The following TANGO2 variants were observed in gnomAD, a reference collection of about 807,000 sequenced individuals.
TANGO2 encodes transport and golgi organization 2 homolog.
TANGO2 carries 26 observed loss-of-function variants against 39.1 expected under a neutral mutation model. That is an observed-to-expected ratio of 0.67 (90% CI 0.49 to 0.92). The LOEUF is 0.92. TANGO2 is among the 40% of genes least tolerant of loss of function. TANGO2 has a pLI of 0.00. For missense variants in TANGO2, 326 were observed against 360.1 expected (o/e 0.91, Z 0.77); for synonymous variants, 131 against 144.5 (o/e 0.91, Z 0.67).
intron 2 of TANGO2, among the ~76,000 whole-genome samples, chr22:20,042,530 G>A (rs1366889411): frequency 1.3e-5 from 2 of 152,136 alleles, no homozygotes; most frequent in African/African-American, 2.4e-5. Context: ...CTCGGAGGCC[G>A]AGGCGGGTAG....
In TANGO2 at chr22:20,041,046, G is replaced by A. The variant is rs1030130101; in HGVS notation, c.57-2309G>A. On this transcript the variant is annotated intron_variant, in intron 2 of 8. Transcript: ENST00000327374. The stretch of plus-strand genomic sequence containing the variant: ...GGCAATGACCAAAAGCATTTCCCCA[G>A]TTCTGCTGGCAAGAAGCTTCAGGGG... 3.9e-5 allele frequency among the ~76,000 whole-genome samples: 6 copies of A among 152,226 alleles called. No individual in the cohort carries two copies. In the East Asian group the frequency reaches 1.2e-3, roughly 29 times the overall value.
chr22:20,058,957 A>G (rs1264740326), intron 6 of TANGO2, among the ~76,000 whole-genome samples: 1 of 152,212 alleles, frequency 6.6e-6, no homozygotes, highest in Admixed American at 6.5e-5. Flanking sequence ...TAGCATTAAA[A>G]TGAGGTAGAA....
intron 2 of TANGO2, chr22:20,037,072 T>G: frequency 6.5e-7 from 1 of 1,531,660 alleles, no homozygotes; most frequent in Non-Finnish European, 8.8e-7. Flanking sequence ...ACGTGAAGAC[T>G]CAGCCACAGA....
chr22:20,061,655 C>G lies in TANGO2; in HGVS notation c.577C>G (p.Leu193Val). ...GCCCAAGGATGTGCTCATCGCCAGC[C>G]TCCTGGATGTGCTCAACAATGAAGA... The part of the protein sequence containing the change: ...ALPKDVLIAS[L>V]LDVLNNEEAQ... The change falls in exon 7 of 9, where the codon CTC (leucine) becomes GTC (valine). Residue 193 changes from leucine (L) to valine (V), a missense_variant. Physicochemically the swap from Leu to Val is conservative, Grantham distance 32. Transcript: ENST00000327374. The G allele has an allele frequency of 1.3e-6, 2 of 1,556,828 alleles. No homozygotes were observed. The highest frequency in any genetic ancestry group is 1.7e-6 in the Non-Finnish European group (2 of 1,149,912).
chr22:20,053,951 C>T (rs1240464913), intron 5 of TANGO2: 6 of 350,930 alleles, frequency 1.7e-5, no homozygotes, highest in Non-Finnish European at 2.3e-5. Flanking sequence ...GCAGGAACTG[C>T]GGAGGTTTTG....
At chr22:20,036,727 T>C (rs1467448536) in intron 1 of TANGO2, 33 bp from the exon 2 acceptor site, 4 of 1,591,628 alleles carry the variant, frequency 2.5e-6, no homozygotes, top group Non-Finnish European at 3.4e-6. Flanking sequence ...GTGTCTGCCA[T>C]CCGCTCAACT....
chr22:20,051,307 G>A (rs1353243548), intron 3 of TANGO2, among the ~76,000 whole-genome samples: 1 of 151,794 alleles, frequency 6.6e-6, no homozygotes. Context: ...CAAGGCGGAC[G>A]GATCACCTGA....
chr22:20,061,919 G>A, intron 7 of TANGO2: 1 of 531,814 alleles, frequency 1.9e-6, no homozygotes, highest in South Asian at 2.8e-5. Flanking sequence ...AGGCCCAGGG[G>A]AGGCTCAGTG....
intron 8 of TANGO2, among the ~76,000 whole-genome samples, chr22:20,064,241 G>T (rs1026747139): frequency 6.6e-6 from 1 of 152,218 alleles, no homozygotes; most frequent in African/African-American, 2.4e-5. Flanking sequence ...TGGTCAGCCC[G>T]CAGGCTGCCC....
upstream of TANGO2, among the ~76,000 whole-genome samples, chr22:20,020,291 T>C (rs1412089329): frequency 6.6e-6 from 1 of 152,246 alleles, no homozygotes; most frequent in Admixed American, 6.5e-5. Context: ...ATGCTCACTT[T>C]GAGGCAGGGC....
rs1463033136 is a variant in TANGO2, at chr22:20,061,316, C to T, written c.452-214C>T. The T allele has an allele frequency of 2.6e-5, 13 of 504,874 alleles. No homozygotes were observed. The East Asian group carries it at 3.7e-4, about 14-fold the overall frequency. The allele number at this position is 504,874 out of a possible 1,614,324, so 31.3% of individuals were successfully genotyped here. A position where few individuals can be genotyped will look rare whatever the true frequency, so the allele number is the denominator to read the frequency against. On this transcript the variant is annotated intron_variant, in intron 6 of 8. Transcript: ENST00000327374. ...TGCCTTGTGGTCTCCTGTGGGTGCC[C>T]GCTTCCGCCTACTGCTGAGTTCTCC... is the stretch of plus-strand genomic sequence containing the variant.
intron 7 of TANGO2, 103 bp from the exon 8 acceptor site, chr22:20,063,235 C>T (rs1365523157): frequency 1.2e-6 from 1 of 850,104 alleles, no homozygotes; most frequent in South Asian, 1.6e-5. Flanking sequence ...AGTTCCCCGG[C>T]CACTCCCCAG....
intron 1 of TANGO2, chr22:20,033,113 C>T (rs757397966): frequency 2.6e-5 from 12 of 468,920 alleles, no homozygotes; most frequent in Non-Finnish European, 4.3e-5. Flanking sequence ...GGTTGGGGGC[C>T]GGTGGGCAGT....
chr22:20,020,460 C>T (rs1430860562), upstream of TANGO2, among the ~76,000 whole-genome samples: 1 of 151,888 alleles, frequency 6.6e-6, no homozygotes, highest in Non-Finnish European at 1.5e-5. Context: ...GCTGGGCCAG[C>T]CCCTCGTCGC....
At chr22:20,026,776 G>A (rs577302772) in intron 1 of TANGO2, among the ~76,000 whole-genome samples, 6 of 152,218 alleles carry the variant, frequency 3.9e-5, no homozygotes, top group African/African-American at 9.7e-5. Flanking sequence ...AAACCCTGGC[G>A]GGAACATTTC....
At chr22:20,026,512 C>T (rs181941462) in intron 1 of TANGO2, among the ~76,000 whole-genome samples, 1 of 152,272 alleles carries the variant, frequency 6.6e-6, no homozygotes, top group Admixed American at 6.5e-5. Flanking sequence ...GACTGCTGTA[C>T]AGTAATGATG....
intron 1 of TANGO2, among the ~76,000 whole-genome samples, chr22:20,026,358 G>A (rs539521535): frequency 8.6e-5 from 13 of 151,174 alleles, no homozygotes; most frequent in Non-Finnish European, 1.5e-4. Context: ...AGATCGCGCC[G>A]TTGAACTCCA....
At chr22:20,037,740 C>T (rs1189909989) in intron 2 of TANGO2, among the ~76,000 whole-genome samples, 1 of 152,152 alleles carries the variant, frequency 6.6e-6, no homozygotes, top group African/African-American at 2.4e-5. Context: ...TAGGAAAGAA[C>T]TATTGACTGC....
At chr22:20,041,998 T>G (rs1402340051) in intron 2 of TANGO2, among the ~76,000 whole-genome samples, 1 of 152,042 alleles carries the variant, frequency 6.6e-6, no homozygotes, top group African/African-American at 2.4e-5. Flanking sequence ...TTTTTTTTTT[T>G]TTAGAGACAG....
Sources: gnomAD v4.1 joint callset for allele counts (sites outside exome capture counted in the v4.1 genomes callset) on GRCh38, gnomAD v4.1.1 for gene constraint, MANE v1.5 for transcripts, NCBI Gene and HGNC (gene_info 2026-07-23, HGNC 2026-07-21) for gene names.